KCTD16: variants seen among roughly 807,000 people sequenced by gnomAD.
KCTD16 encodes the protein BTB/POZ domain-containing protein KCTD16.
In KCTD16, 13 loss-of-function variants were observed where a neutral mutation model predicts 33.2. The ratio of observed to expected loss-of-function variants is 0.39; its 90% confidence interval spans 0.25 to 0.62. The LOEUF is 0.62. KCTD16 is among the 20% of genes least tolerant of loss of function. The probability of loss-of-function intolerance (pLI) is 0.50; values close to 1 mark genes in which losing one functional copy is unlikely to be tolerated. For missense variants in KCTD16, 441 were observed against 525.1 expected (o/e 0.84, Z 1.57); for synonymous variants, 197 against 195.3 (o/e 1.01, Z -0.07).
intron 3 of KCTD16, among the ~76,000 whole-genome samples, chr5:144,378,453 T>G (rs960312927): frequency 5.3e-5 from 8 of 152,212 alleles, no homozygotes; most frequent in African/African-American, 1.7e-4. Context: ...ATTCTCTTAC[T>G]CTACTGAAAT....
rs1454198879 is a variant in KCTD16, at chr5:144,483,642, C to T, written c.*9528C>T. Reference sequence around the variant, plus strand: ...TTAAGAATACAGTAAGTTGTGTACTCATTCATAGCCACATGCTTTGCATAT... The same window carrying T: ...TTAAGAATACAGTAAGTTGTGTACTTATTCATAGCCACATGCTTTGCATAT... On this transcript the variant is annotated 3_prime_UTR_variant, in exon 4 of 4. Coordinates refer to ENST00000512467, the MANE Select transcript of KCTD16 (RefSeq NM_020768.4). 1 of 151,962 alleles carries T rather than the reference C, an allele frequency of 6.6e-6. No individual in the cohort carries two copies. Among genetic ancestry groups the T allele is most frequent in the African/African-American group, 2.4e-5 (1 of 41,408 alleles). 9.4% of individuals were successfully genotyped at this position (151,962 alleles called of 1,614,324 possible).
chr5:144,362,718 G>T (rs1056198819), intron 3 of KCTD16, among the ~76,000 whole-genome samples: 4 of 152,144 alleles, frequency 2.6e-5, no homozygotes, highest in Non-Finnish European at 4.4e-5. Context: ...GGTGTTGGTG[G>T]ATGTGGTTGT....
chr5:144,200,863 A>C (rs1006372349), intron 2 of KCTD16, among the ~76,000 whole-genome samples: 3 of 152,162 alleles, frequency 2.0e-5, no homozygotes, highest in African/African-American at 7.2e-5. Flanking sequence ...CAGCCTCCCA[A>C]GTAGCTGGGA....
intron 3 of KCTD16, among the ~76,000 whole-genome samples, chr5:144,214,183 T>A (rs187490122): frequency 2.6e-4 from 39 of 152,266 alleles, no homozygotes; most frequent in Non-Finnish European, 5.3e-4. Flanking sequence ...CTTTCTCCAA[T>A]CTCCAACAAG....
At chr5:144,319,105 G>A (rs1264443957) in intron 3 of KCTD16, among the ~76,000 whole-genome samples, 1 of 151,766 alleles carries the variant, frequency 6.6e-6, no homozygotes, top group Non-Finnish European at 1.5e-5. Context: ...AAATTTATTG[G>A]AATGAATAAA....
chr5:144,268,047 C>T (rs1294919116), intron 3 of KCTD16, among the ~76,000 whole-genome samples: 1 of 152,134 alleles, frequency 6.6e-6, no homozygotes, highest in Non-Finnish European at 1.5e-5. Context: ...GTATTGCACG[C>T]TTCAGACTTC....
intron 3 of KCTD16, among the ~76,000 whole-genome samples, chr5:144,464,683 C>T (rs184471385): frequency 6.9e-6 from 1 of 145,354 alleles, no homozygotes; most frequent in Non-Finnish European, 1.5e-5. Context: ...TCCTCATCCT[C>T]CTCTTACTCC....
At chr5:144,461,389 G>A (rs931034890) in intron 3 of KCTD16, among the ~76,000 whole-genome samples, 1 of 151,936 alleles carries the variant, frequency 6.6e-6, no homozygotes, top group African/African-American at 2.4e-5. Context: ...TGAAAGCACC[G>A]TGTACCCACC....
intron 3 of KCTD16, among the ~76,000 whole-genome samples, chr5:144,460,770 G>A (rs1313112077): frequency 6.6e-6 from 1 of 152,098 alleles, no homozygotes; most frequent in Non-Finnish European, 1.5e-5. Context: ...AAATCCCTGT[G>A]GCCAGCTGTG....
chr5:144,229,369 T>C (rs1341497845), intron 3 of KCTD16, among the ~76,000 whole-genome samples: 2 of 151,914 alleles, frequency 1.3e-5, no homozygotes, highest in Non-Finnish European at 2.9e-5. Flanking sequence ...GGAAATGAGA[T>C]GGAAATGTAG....
At chr5:144,250,756 T>A (rs1172022293) in intron 3 of KCTD16, among the ~76,000 whole-genome samples, 1 of 152,186 alleles carries the variant, frequency 6.6e-6, no homozygotes, top group Admixed American at 6.6e-5. Flanking sequence ...AGCCTTTGTT[T>A]CATTTCATAA....
chr5:144,206,156 A>G (rs1158652259), intron 2 of KCTD16: 1 of 152,734 alleles, frequency 6.5e-6, no homozygotes, highest in Non-Finnish European at 1.5e-5. Context: ...TGTTTTTCAT[A>G]CTAATTGCTG....
At chr5:144,247,800 T>A (rs1307764969) in intron 3 of KCTD16, among the ~76,000 whole-genome samples, 1 of 152,194 alleles carries the variant, frequency 6.6e-6, no homozygotes, top group Non-Finnish European at 1.5e-5. Context: ...ATTTTCCCTC[T>A]AAGTCATTGT....
chr5:144,240,939 G>A (rs776008547), intron 3 of KCTD16, among the ~76,000 whole-genome samples: 58 of 152,140 alleles, frequency 3.8e-4, no homozygotes, highest in Non-Finnish European at 6.9e-4. Flanking sequence ...TTAGGCTGGT[G>A]AGGAGATACA....
chr5:144,303,870 C>A (rs180922696), intron 3 of KCTD16, among the ~76,000 whole-genome samples: 88 of 152,236 alleles, frequency 5.8e-4, no homozygotes, highest in African/African-American at 2.0e-3. Context: ...GAGTTTAAGA[C>A]AAAAGACAGG....
chr5:144,430,766 G>A (rs1035206306), intron 3 of KCTD16, among the ~76,000 whole-genome samples: 2 of 152,082 alleles, frequency 1.3e-5, no homozygotes, highest in Non-Finnish European at 2.9e-5. Context: ...CTGGGAAAGA[G>A]TGTGAGGATA....
At chr5:144,244,622 C>T (rs1265421233) in intron 3 of KCTD16, among the ~76,000 whole-genome samples, 1 of 152,106 alleles carries the variant, frequency 6.6e-6, no homozygotes, top group African/African-American at 2.4e-5. Flanking sequence ...ACAAAATAAC[C>T]TCTTTAACAC....
chr5:144,470,553 C>G (rs1007836140), intron 3 of KCTD16, among the ~76,000 whole-genome samples: 1 of 152,096 alleles, frequency 6.6e-6, no homozygotes, highest in Non-Finnish European at 1.5e-5. Flanking sequence ...CAGAAGCCAT[C>G]TCATAAATTA....
chr5:144,444,086 A>G (rs995898058), intron 3 of KCTD16, among the ~76,000 whole-genome samples: 1 of 152,046 alleles, frequency 6.6e-6, no homozygotes, highest in East Asian at 1.9e-4. Flanking sequence ...CTGAGAAGCA[A>G]CATTTCAAAA....
Sources: gnomAD v4.1 joint callset for allele counts (sites outside exome capture counted in the v4.1 genomes callset) on GRCh38, gnomAD v4.1.1 for gene constraint, MANE v1.5 for transcripts, NCBI Gene and HGNC (gene_info 2026-07-23, HGNC 2026-07-21) for gene names.